The following JAKMIP2 variants were observed in gnomAD, a reference collection of about 807,000 sequenced individuals.
JAKMIP2 encodes the protein janus kinase and microtubule interacting protein 2, also known as janus kinase and microtubule-interacting protein 2.
A neutral mutation model predicts 115.0 loss-of-function variants in JAKMIP2; 25 were observed. The ratio of observed to expected loss-of-function variants is 0.22; its 90% CI spans 0.16 to 0.30. The LOEUF (loss-of-function observed/expected upper bound fraction) is 0.30. JAKMIP2 is among the 10% of genes least tolerant of loss of function. JAKMIP2 has a pLI of 1.00. For missense variants in JAKMIP2, 642 were observed against 957.6 expected (o/e 0.67, Z 4.35); for synonymous variants, 334 against 343.6 (o/e 0.97, Z 0.31).
chr5:147,646,099 C>T (rs189159533), intron 5 of JAKMIP2, among the ~76,000 whole-genome samples: 4 of 152,216 alleles, frequency 2.6e-5, no homozygotes, highest in South Asian at 2.1e-4. Flanking sequence ...TTTTAAAGTG[C>T]GCACTACTGT....
chr5:147,596,705 C>A (rs1755404227), intron 21 of JAKMIP2, among the ~76,000 whole-genome samples: 1 of 152,110 alleles, frequency 6.6e-6, no homozygotes, highest in East Asian at 1.9e-4. Flanking sequence ...CTACCCTATG[C>A]TTTATTAGTA....
intron 3 of JAKMIP2, among the ~76,000 whole-genome samples, chr5:147,655,340 T>C (rs1373099986): frequency 1.3e-5 from 2 of 152,166 alleles, no homozygotes; most frequent in African/African-American, 2.4e-5. Context: ...CTGGGCTTTT[T>C]TTGTTGGTAG....
intron 6 of JAKMIP2, among the ~76,000 whole-genome samples, chr5:147,644,521 C>A (rs1758033760): frequency 6.6e-6 from 1 of 152,072 alleles, no homozygotes; most frequent in Admixed American, 6.6e-5. Context: ...CAAGGTGTGC[C>A]TGGGGTATAG....
chr5:147,719,890 G>T (rs9716823), intron 1 of JAKMIP2, among the ~76,000 whole-genome samples: 31 of 152,134 alleles, frequency 2.0e-4, no homozygotes, highest in African/African-American at 7.0e-4. Flanking sequence ...ATCCTGTCAT[G>T]ATGATGTTAG....
At chr5:147,718,536 G>T (rs1753114736) in intron 1 of JAKMIP2, among the ~76,000 whole-genome samples, 1 of 151,602 alleles carries the variant, frequency 6.6e-6, no homozygotes, top group African/African-American at 2.4e-5. Context: ...CCTGTTATTG[G>T]TCTATTCAGA....
chr5:147,638,788 A>G (rs1046914608), intron 10 of JAKMIP2, among the ~76,000 whole-genome samples: 2 of 152,114 alleles, frequency 1.3e-5, no homozygotes, highest in African/African-American at 4.8e-5. Flanking sequence ...CAAGGCTAGG[A>G]AACCTAGGTA....
Position 147,658,677 on chromosome 5 carries a change from T to C in JAKMIP2, c.627+2271A>G, listed in dbSNP as rs180977229. 2.5e-3 allele frequency among the ~76,000 whole-genome samples: 387 copies of C among 152,198 alleles called. 7 individuals carry two copies. Among genetic ancestry groups the C allele is most frequent in the Middle Eastern group, 6.8e-3 (2 of 294 alleles). On this transcript the variant is annotated intron_variant, in intron 3 of 21. Coordinates refer to ENST00000616793, the MANE Select transcript of JAKMIP2 (RefSeq NM_001270941.2). ...GTGTCCCAGGGAGATGAGAGTTCTG[T>C]CTGTAAGCCCCTGAATGGAGCTGCT...
intron 19 of JAKMIP2, among the ~76,000 whole-genome samples, chr5:147,615,985 T>C (rs1040122582): frequency 6.6e-6 from 1 of 152,000 alleles, no homozygotes; most frequent in Middle Eastern, 3.4e-3. Flanking sequence ...GAAATGCCAG[T>C]TGGATGTGGT....
At chr5:147,612,432 A>ATTT in intron 19 of JAKMIP2, 61 bp from the exon 20 acceptor site, 1 of 1,003,776 alleles carries the variant, frequency 1.0e-6, no homozygotes, top group South Asian at 1.5e-5. Context: ...CGGAAAAATA[A>ATTT]TTTACCAAAT....
intron 1 of JAKMIP2, among the ~76,000 whole-genome samples, chr5:147,734,342 G>A (rs1390866448): frequency 2.0e-5 from 3 of 152,120 alleles, no homozygotes; most frequent in Non-Finnish European, 4.4e-5. Flanking sequence ...ATGAGTTCAT[G>A]TCCTTCCCAG....
At chr5:147,599,287 AT>A (rs1755569257) in intron 21 of JAKMIP2, among the ~76,000 whole-genome samples, 1 of 152,272 alleles carries the variant, frequency 6.6e-6, no homozygotes, top group East Asian at 1.9e-4. Context: ...AGGTAACATG[AT>A]TATAACCATT....
At chr5:147,677,025 AT>A (rs1264009145) in intron 1 of JAKMIP2, among the ~76,000 whole-genome samples, 1 of 152,206 alleles carries the variant, frequency 6.6e-6, no homozygotes, top group African/African-American at 2.4e-5. Context: ...AGAACATTTG[AT>A]TAAAAGTATG....
chr5:147,688,588 G>T (rs1384965657), intron 1 of JAKMIP2, among the ~76,000 whole-genome samples: 1 of 152,106 alleles, frequency 6.6e-6, no homozygotes, highest in Non-Finnish European at 1.5e-5. Context: ...CAGAGACTTA[G>T]TGAAGATAAA....
At chr5:147,751,986 A>T (rs1754577158) in intron 1 of JAKMIP2, among the ~76,000 whole-genome samples, 1 of 152,224 alleles carries the variant, frequency 6.6e-6, no homozygotes, top group African/African-American at 2.4e-5. Flanking sequence ...GAAAATACAG[A>T]CTACCATATA....
At chr5:147,643,744 T>C (rs1202335500) in intron 7 of JAKMIP2, among the ~76,000 whole-genome samples, 2 of 152,218 alleles carry the variant, frequency 1.3e-5, no homozygotes, top group Non-Finnish European at 2.9e-5. Context: ...GGGATCCTGC[T>C]ACTGGAAGGC....
At position 147,661,420 on chromosome 5, in the gene JAKMIP2, G is replaced by A. The variant is rs747175572; in HGVS notation, c.155C>T (p.Thr52Ile). The change falls in exon 3 of 22, where the codon ACT becomes ATT. Residue 52 changes from threonine to isoleucine, a missense_variant. This residue lies in a region of JAKMIP2 where 439 missense variants were observed against 570.9 expected (regional missense o/e 0.77). Transcript: ENST00000616793. ...CTCACGAATCCTCTTCGCTTCTTGA[G>A]TCTTCTCTCTTTCAAGCTTTGATAC... Reference protein sequence around the residue: ...SKVSKLEREKTQEAKRIRELE... With the variant: ...SKVSKLEREKIQEAKRIRELE... The A allele has an allele frequency of 1.9e-5, 31 of 1,611,986 alleles. No homozygotes were observed. Among genetic ancestry groups the A allele is most frequent in the Non-Finnish European group, 2.6e-5 (31 of 1,179,496 alleles).
At chr5:147,729,539 C>T (rs879795415) in intron 1 of JAKMIP2, among the ~76,000 whole-genome samples, 2 of 151,870 alleles carry the variant, frequency 1.3e-5, no homozygotes, top group Non-Finnish European at 2.9e-5. Flanking sequence ...TTTGGGAGGC[C>T]GAGGTGGGCA....
intron 1 of JAKMIP2, among the ~76,000 whole-genome samples, chr5:147,698,181 A>AT (rs1752181662): frequency 6.6e-6 from 1 of 152,140 alleles, no homozygotes; most frequent in South Asian, 2.1e-4. Context: ...TGACTGCTCT[A>AT]TTGGATTTTG....
intron 8 of JAKMIP2, 152 bp downstream of exon 8, chr5:147,641,556 G>T (rs1161784498): frequency 5.3e-6 from 3 of 568,846 alleles, no homozygotes; most frequent in Non-Finnish European, 9.3e-6. Flanking sequence ...AATGTCAACA[G>T]AAAATATTTT....
Sources: gnomAD v4.1 joint callset for allele counts (sites outside exome capture counted in the v4.1 genomes callset) on GRCh38, gnomAD v4.1.1 for gene constraint, gnomAD v4.1.1 regional missense constraint, MANE v1.5 for transcripts, NCBI Gene and HGNC (gene_info 2026-07-23, HGNC 2026-07-21) for gene names.